The following ROBO2 variants were observed in gnomAD, a reference collection of about 807,000 sequenced individuals.
ROBO2 encodes roundabout homolog 2.
Under a neutral mutation model 160.8 loss-of-function variants are expected in ROBO2, and 53 were observed. The ratio of observed to expected loss-of-function variants is 0.33; its 90% CI spans 0.26 to 0.41. ROBO2 has a LOEUF of 0.41. Ranked by LOEUF, ROBO2 falls within the 10% of genes least tolerant of loss-of-function variation. ROBO2 has a pLI of 1.00. For synonymous variants in ROBO2, 664 were observed against 611.7 expected (o/e 1.09, Z -1.26); for missense variants, 1,577 against 1,722.4 (o/e 0.92, Z 1.49).
At chr3:76,669,247 T>G (rs969854107) in intron 2 of ROBO2, among the ~76,000 whole-genome samples, 1 of 152,146 alleles carries the variant, frequency 6.6e-6, no homozygotes, top group Non-Finnish European at 1.5e-5. Context: ...GCATTGCAGC[T>G]GTTTCAGGGA....
chr3:77,526,732 G>A (rs950248433), intron 6 of ROBO2, among the ~76,000 whole-genome samples: 1 of 151,476 alleles, frequency 6.6e-6, no homozygotes, highest in South Asian at 2.1e-4. Context: ...CAGTTTGAAA[G>A]CCGTTCTCAG....
intron 2 of ROBO2, among the ~76,000 whole-genome samples, chr3:76,856,989 C>T (rs546836680): frequency 6.6e-6 from 1 of 151,486 alleles, no homozygotes; most frequent in African/African-American, 2.4e-5. Flanking sequence ...CGAATGCGTG[C>T]TTTTTTTTTC....
At chr3:76,107,372 C>T (rs1304447441) in intron 2 of ROBO2, among the ~76,000 whole-genome samples, 1 of 152,032 alleles carries the variant, frequency 6.6e-6, no homozygotes, top group East Asian at 1.9e-4. Context: ...CAAACTTCAT[C>T]CAGGTCAAAA....
At chr3:77,150,105 C>T (rs2150516299) in intron 2 of ROBO2, among the ~76,000 whole-genome samples, 1 of 152,138 alleles carries the variant, frequency 6.6e-6, no homozygotes, top group East Asian at 1.9e-4. Flanking sequence ...TGGAGGAAAA[C>T]TCTAAATAGG....
intron 2 of ROBO2, among the ~76,000 whole-genome samples, chr3:76,958,570 T>A (rs900589582): frequency 2.6e-5 from 4 of 152,238 alleles, no homozygotes; most frequent in Non-Finnish European, 5.9e-5. Flanking sequence ...TCAGAGTTTT[T>A]TAAGATGGAC....
intron 2 of ROBO2, among the ~76,000 whole-genome samples, chr3:76,086,811 A>G (rs1229606035): frequency 6.6e-6 from 1 of 152,160 alleles, no homozygotes; most frequent in Non-Finnish European, 1.5e-5. Context: ...AACAACTTGG[A>G]AGAACACATA....
At chr3:76,108,518 G>C (rs2108217385) in intron 2 of ROBO2, among the ~76,000 whole-genome samples, 1 of 151,726 alleles carries the variant, frequency 6.6e-6, no homozygotes, top group East Asian at 1.9e-4. Context: ...TAAAGATTTT[G>C]TCCAAATTTT....
At chr3:76,404,727 A>G (rs544965775) in intron 2 of ROBO2, among the ~76,000 whole-genome samples, 129 of 151,712 alleles carry the variant, frequency 8.5e-4, no homozygotes, top group African/African-American at 3.0e-3. Flanking sequence ...GTAGCTATCA[A>G]AAAACATAAT....
At chr3:75,985,023 CATATAAA>C (rs2065377072) in intron 2 of ROBO2, among the ~76,000 whole-genome samples, 1 of 151,368 alleles carries the variant, frequency 6.6e-6, no homozygotes, top group Non-Finnish European at 1.5e-5. Context: ...TTATTCTAAT[CATATAAA>C]ATATACACAC....
At chr3:76,339,239 G>T (rs2074070878) in intron 2 of ROBO2, among the ~76,000 whole-genome samples, 1 of 152,088 alleles carries the variant, frequency 6.6e-6, no homozygotes, top group African/African-American at 2.4e-5. Context: ...AGTAAACACT[G>T]ATGCACCTGA....
At chr3:75,957,142 A>G (rs1436098938) in intron 2 of ROBO2, among the ~76,000 whole-genome samples, 3 of 151,694 alleles carry the variant, frequency 2.0e-5, no homozygotes, top group Non-Finnish European at 4.4e-5. Flanking sequence ...GCCTTAAAAT[A>G]TATCTAATGT....
At position 77,276,919 on chromosome 3, in the gene ROBO2, G is replaced by A. The variant is rs149572927; in HGVS notation, c.388+178579G>A. Reference sequence around the variant, plus strand: ...ATAAAACCATCAGATCTCATAAGACGCATTTACTACCACCAGAATAGTATG... The same window carrying A: ...ATAAAACCATCAGATCTCATAAGACACATTTACTACCACCAGAATAGTATG... On this transcript the variant is annotated intron_variant, in intron 2 of 25. Transcript: ENST00000461745. Among the ~76,000 whole-genome samples the A allele has an allele frequency of 3.6e-3, 552 of 152,184 alleles. 15 individuals carry two copies. The highest frequency in any genetic ancestry group is 0.024 in the Admixed American group (373 of 15,280).
In ROBO2 at chr3:76,153,250, G is replaced by A. The variant is rs186085980; in HGVS notation, c.109+215648G>A. Among the ~76,000 whole-genome samples the A allele has an allele frequency of 6.6e-5, 10 of 152,228 alleles. No homozygotes were observed. The East Asian group carries it at 1.7e-3, about 26-fold the overall frequency. On this transcript the variant is annotated intron_variant, in intron 2 of 26. Coordinates refer to the ROBO2 transcript ENST00000487694. The stretch of plus-strand genomic sequence containing the variant: ...TGTGGAGCAAGCTGCATCCCAGAGA[G>A]TTTAAATAATTTTCCATAGCTTCAC...
intron 2 of ROBO2, among the ~76,000 whole-genome samples, chr3:76,014,017 A>G (rs528652509): frequency 3.0e-4 from 46 of 151,110 alleles, no homozygotes; most frequent in South Asian, 2.1e-4. Flanking sequence ...TTATGCGTGT[A>G]ATCCCAGAAG....
intron 2 of ROBO2, among the ~76,000 whole-genome samples, chr3:77,187,988 C>T (rs1237863908): frequency 6.6e-6 from 1 of 151,802 alleles, no homozygotes; most frequent in African/African-American, 2.4e-5. Context: ...TTTCCAACCT[C>T]TCTATTACCA....
At chr3:76,521,837 A>G (rs1330190680) in intron 2 of ROBO2, among the ~76,000 whole-genome samples, 2 of 152,178 alleles carry the variant, frequency 1.3e-5, no homozygotes, top group Non-Finnish European at 2.9e-5. Context: ...GTATTTGTAT[A>G]TTAAATATAA....
At chr3:76,400,511 T>C (rs2077752187) in intron 2 of ROBO2, among the ~76,000 whole-genome samples, 1 of 151,528 alleles carries the variant, frequency 6.6e-6, no homozygotes, top group African/African-American at 2.4e-5. Context: ...TGAAATACAA[T>C]TACTACAAAG....
chr3:76,566,830 C>T (rs76397665), intron 2 of ROBO2, among the ~76,000 whole-genome samples: 7,397 of 152,146 alleles, frequency 0.049, 515 homozygotes, highest in African/African-American at 0.16. Context: ...AAAATCTCTG[C>T]ATAACTTCAG....
intron 2 of ROBO2, among the ~76,000 whole-genome samples, chr3:76,948,335 T>A (rs1382587115): frequency 6.6e-6 from 1 of 152,138 alleles, no homozygotes; most frequent in Non-Finnish European, 1.5e-5. Flanking sequence ...TCATGACTGT[T>A]ATCAATTAAT....
Sources: gnomAD v4.1 joint callset for allele counts (sites outside exome capture counted in the v4.1 genomes callset) on GRCh38, gnomAD v4.1.1 for gene constraint, MANE v1.5 for transcripts, NCBI Gene and HGNC (gene_info 2026-07-23, HGNC 2026-07-21) for gene names.